SLC44A1: variants seen among roughly 807,000 people sequenced by gnomAD.
SLC44A1 encodes the protein solute carrier family 44 member 1.
A neutral mutation model predicts 79.3 loss-of-function variants in SLC44A1; 26 were observed. The observed-to-expected ratio is 0.33, with a 90% CI of 0.24 to 0.46. The LOEUF is 0.46. Ranked by LOEUF, SLC44A1 falls within the 20% of genes least tolerant of loss-of-function variation. The probability of loss-of-function intolerance (pLI) is 1.00; values close to 1 mark genes in which losing one functional copy is unlikely to be tolerated. For missense variants in SLC44A1, 688 were observed against 798.1 expected (o/e 0.86, Z 1.66); for synonymous variants, 263 against 286.2 (o/e 0.92, Z 0.82).
intron 12 of SLC44A1, among the ~76,000 whole-genome samples, chr9:105,373,727 G>GT: frequency 6.6e-6 from 1 of 152,224 alleles, no homozygotes; most frequent in Non-Finnish European, 1.5e-5. Flanking sequence ...CTCACCCTCA[G>GT]TTTTACACTG....
chr9:105,351,636 A>AAGAAAGAAAGAAAGAAAG (rs1827441851), intron 5 of SLC44A1, among the ~76,000 whole-genome samples: 1 of 133,662 alleles, frequency 7.5e-6, no homozygotes, highest in Non-Finnish European at 1.6e-5. Context: ...GAGAAAGAGA[A>AAGAAAGAAAGAAAGAAAG]AGAAAGAAAG....
rs1196683648 is a variant in SLC44A1 at position 105,309,709 on chromosome 9, C to T, written c.127-15C>T. 6.2e-7 allele frequency: 1 copy of T among 1,610,942 alleles called. No individual in the cohort carries two copies. The highest frequency in any genetic ancestry group is 1.7e-5 in the Admixed American group (1 of 59,326). On this transcript the variant is annotated splice_polypyrimidine_tract_variant and intron_variant, in intron 2 of 15. Transcript: ENST00000374720. ...AAATGGTTTATTTGTATGTTTTTTT[C>T]TGTTTCTTTCCTAGGGATTTATTTG...
chr9:105,307,534 C>T (rs1831064720), intron 2 of SLC44A1, among the ~76,000 whole-genome samples: 1 of 151,942 alleles, frequency 6.6e-6, no homozygotes, highest in South Asian at 2.1e-4. Flanking sequence ...CTCCCAGCTG[C>T]TCAGGAGGCT....
chr9:105,421,637 G>C (rs1446214899), intron 15 of SLC44A1, among the ~76,000 whole-genome samples: 1 of 147,584 alleles, frequency 6.8e-6, no homozygotes, highest in African/African-American at 2.5e-5. Context: ...CAGGTAGGCA[G>C]AGTGCAGTGG....
chr9:105,416,071 T>G (rs1358519664), intron 15 of SLC44A1, among the ~76,000 whole-genome samples: 1 of 151,790 alleles, frequency 6.6e-6, no homozygotes, highest in African/African-American at 2.4e-5. Flanking sequence ...CCAGCTAGTT[T>G]TTATATTTTT....
rs1828895768 is a variant in SLC44A1, at chr9:105,397,323, TAAATA to T, written c.*8272_*8276del. The T allele has an allele frequency of 1.0e-6, 1 of 978,056 alleles. No individual in the cohort carries two copies. The highest frequency in any genetic ancestry group is 1.2e-6 in the Non-Finnish European group (1 of 823,294). The allele number at this position is 978,056 out of a possible 1,614,324, so 60.6% of individuals were successfully genotyped here. On this transcript the variant is annotated 3_prime_UTR_variant, in exon 16 of 16. Transcript: ENST00000374720. ...CAAATGTATAGAATTTTTTATGTAA[TAAATA>T]AAATTTTATAGGAAAGAATGTTATT...
intron 2 of SLC44A1, among the ~76,000 whole-genome samples, chr9:105,303,585 A>C (rs1162540080): frequency 6.6e-6 from 1 of 152,238 alleles, no homozygotes; most frequent in African/African-American, 2.4e-5. Context: ...GGACGTATAC[A>C]TTGTTGTTAT....
chr9:105,304,944 G>GTTTTTTTTTT (rs10589897), intron 2 of SLC44A1, among the ~76,000 whole-genome samples: 3 of 20,076 alleles, frequency 1.5e-4, no homozygotes, highest in Non-Finnish European at 3.3e-4. Flanking sequence ...ACTTTCTATC[G>GTTTTTTTTTT]TTTTTTTTTT....
chr9:105,367,165 C>G (rs2131423292), intron 12 of SLC44A1, among the ~76,000 whole-genome samples: 1 of 152,080 alleles, frequency 6.6e-6, no homozygotes, highest in Admixed American at 6.6e-5. Context: ...TTTCCATTCC[C>G]TAAAAATCAA....
intron 8 of SLC44A1, among the ~76,000 whole-genome samples, chr9:105,361,778 T>A (rs1827788236): frequency 6.6e-6 from 1 of 152,232 alleles, no homozygotes; most frequent in Non-Finnish European, 1.5e-5. Flanking sequence ...TGTGGTCAGG[T>A]ACAGTGGCTT....
chr9:105,351,632 G>GAGAAAAAGAA (rs1554797208), intron 5 of SLC44A1, among the ~76,000 whole-genome samples: 1 of 101,358 alleles, frequency 9.9e-6, no homozygotes, highest in Non-Finnish European at 2.0e-5. Context: ...GAGAGAGAAA[G>GAGAAAAAGAA]AGAAAGAAAG....
intron 15 of SLC44A1, among the ~76,000 whole-genome samples, chr9:105,423,320 C>T (rs992540695): frequency 1.3e-5 from 2 of 151,910 alleles, no homozygotes; most frequent in African/African-American, 2.4e-5. Flanking sequence ...AAAAATTAGG[C>T]GGGTATGGTG....
intron 3 of SLC44A1, among the ~76,000 whole-genome samples, chr9:105,323,598 C>T (rs1334342249): frequency 6.6e-6 from 1 of 152,216 alleles, no homozygotes; most frequent in Admixed American, 6.5e-5. Context: ...TCTTCATTAT[C>T]ATCATCTAAA....
chr9:105,267,790 C>T (rs566575112), intron 1 of SLC44A1, among the ~76,000 whole-genome samples: 33 of 152,074 alleles, frequency 2.2e-4, no homozygotes, highest in African/African-American at 5.5e-4. Context: ...TATTTAGGAA[C>T]GGGGCCCTAA....
chr9:105,420,820 C>A (rs1285583108), intron 15 of SLC44A1, among the ~76,000 whole-genome samples: 2 of 135,260 alleles, frequency 1.5e-5, no homozygotes, highest in African/African-American at 5.6e-5. Flanking sequence ...GAGATCGCAC[C>A]ATTGCACTCC....
chr9:105,387,692 TAAAG>T lies in SLC44A1; in HGVS notation c.1951-1336_1951-1333del, dbSNP rs1828667592. The stretch of plus-strand genomic sequence containing the variant: ...ATTACATCATTCAGTAATAAGCATT[TAAAG>T]AAAGGGAGAAATATTTCGAGGTTGA... On this transcript the variant is annotated intron_variant, in intron 15 of 15. Transcript: ENST00000374720. Among the ~76,000 whole-genome samples the T allele has an allele frequency of 3.3e-5, 5 of 152,286 alleles. No individual in the cohort carries two copies. In the South Asian group the frequency reaches 1.0e-3, roughly 32 times the overall value.
At chr9:105,335,506 A>C (rs541994240) in intron 3 of SLC44A1, 57 bp from the exon 4 acceptor site, 1 of 1,399,446 alleles carries the variant, frequency 7.1e-7, no homozygotes. Context: ...TCAAATATGC[A>C]GGGACCCACA....
intron 1 of SLC44A1, among the ~76,000 whole-genome samples, chr9:105,267,766 C>G (rs1452822677): frequency 6.6e-6 from 1 of 151,970 alleles, no homozygotes; most frequent in Non-Finnish European, 1.5e-5. Flanking sequence ...CCTTAGCTAT[C>G]TAGTTATTAT....
At chr9:105,337,395 C>A (rs531497809) in intron 4 of SLC44A1, among the ~76,000 whole-genome samples, 2 of 152,248 alleles carry the variant, frequency 1.3e-5, no homozygotes, top group South Asian at 4.1e-4. Flanking sequence ...GGACTTGATA[C>A]ATGAACAATG....
Sources: allele counts gnomAD v4.1 joint callset (sites outside exome capture counted in the v4.1 genomes callset), GRCh38; gene constraint gnomAD v4.1.1; transcripts MANE v1.5; gene names NCBI Gene and HGNC (gene_info 2026-07-23, HGNC 2026-07-21).